LRP1B: variants seen among roughly 807,000 people sequenced by gnomAD.
The protein encoded by LRP1B is LDL receptor related protein 1B.
A neutral mutation model predicts 556.6 loss-of-function variants in LRP1B; 217 were observed. That is an observed-to-expected ratio of 0.39 (90% CI 0.35 to 0.44). The LOEUF (loss-of-function observed/expected upper bound fraction) is 0.44. Among genes scored for constraint, LRP1B ranks in the 20% least tolerant of loss-of-function variants. The probability of loss-of-function intolerance (pLI) is 1.00; values close to 1 mark genes in which losing one functional copy is unlikely to be tolerated. For missense variants in LRP1B, 5,053 were observed against 5,620.8 expected (o/e 0.90, Z 3.23); for synonymous variants, 2,047 against 1,865.8 (o/e 1.10, Z -2.50).
At chr2:141,336,315 C>A (rs1189693766) in intron 3 of LRP1B, among the ~76,000 whole-genome samples, 1 of 152,054 alleles carries the variant, frequency 6.6e-6, no homozygotes, top group Non-Finnish European at 1.5e-5. Context: ...ATAACTTTTA[C>A]TATTGTCCTG....
chr2:141,922,345 T>C (rs1014944950), intron 1 of LRP1B, among the ~76,000 whole-genome samples: 1 of 152,208 alleles, frequency 6.6e-6, no homozygotes, highest in Non-Finnish European at 1.5e-5. Flanking sequence ...GTGCACTATT[T>C]ACTCTAAGGA....
intron 1 of LRP1B, among the ~76,000 whole-genome samples, chr2:142,093,649 G>A (rs1706255686): frequency 6.6e-6 from 1 of 152,068 alleles, no homozygotes; most frequent in Non-Finnish European, 1.5e-5. Context: ...CCAAGAAAGT[G>A]TGCATGTGCG....
At chr2:140,322,238 T>C in intron 81 of LRP1B, 150 bp from the exon 82 acceptor site, 2 of 710,034 alleles carry the variant, frequency 2.8e-6, no homozygotes, top group South Asian at 1.9e-5. Context: ...TCACTCAATA[T>C]CATCATTCTC....
At chr2:140,585,603 T>G (rs185578597) in intron 43 of LRP1B, among the ~76,000 whole-genome samples, 1 of 152,294 alleles carries the variant, frequency 6.6e-6, no homozygotes, top group East Asian at 1.9e-4. Flanking sequence ...AAGATTAAAA[T>G]AATTGCTCAA....
intron 25 of LRP1B, among the ~76,000 whole-genome samples, chr2:140,878,673 A>T (rs924225090): frequency 2.0e-5 from 3 of 152,098 alleles, no homozygotes; most frequent in African/African-American, 7.2e-5. Flanking sequence ...TTGTAGTGTT[A>T]TCTCCACAAA....
chr2:141,706,538 C>G (rs1692144793), intron 2 of LRP1B, among the ~76,000 whole-genome samples: 1 of 152,048 alleles, frequency 6.6e-6, no homozygotes, highest in Non-Finnish European at 1.5e-5. Flanking sequence ...AACCTGCTTC[C>G]AAGTCCTCTG....
At chr2:141,919,209 A>G (rs898653636) in intron 1 of LRP1B, among the ~76,000 whole-genome samples, 1 of 152,134 alleles carries the variant, frequency 6.6e-6, no homozygotes, top group Non-Finnish European at 1.5e-5. Flanking sequence ...ACATATACAT[A>G]TATAAAGAGA....
intron 84 of LRP1B, 28 bp downstream of exon 84, chr2:140,297,780 C>A: frequency 6.3e-7 from 1 of 1,584,448 alleles, no homozygotes; most frequent in Non-Finnish European, 8.6e-7. Flanking sequence ...AACATCAAAG[C>A]TGGCTTCTGG....
intron 2 of LRP1B, among the ~76,000 whole-genome samples, chr2:141,612,107 T>A (rs937677752): frequency 1.3e-5 from 2 of 152,220 alleles, no homozygotes; most frequent in African/African-American, 4.8e-5. Flanking sequence ...AACCTTGTAA[T>A]ATCCCCCAAA....
chr2:141,920,507 A>G (rs771597557), intron 1 of LRP1B, among the ~76,000 whole-genome samples: 1 of 152,036 alleles, frequency 6.6e-6, no homozygotes, highest in Non-Finnish European at 1.5e-5. Flanking sequence ...GGTGAACTCA[A>G]TGTGCTGACA....
At chr2:141,771,981 G>C (rs1574342588) in intron 2 of LRP1B, among the ~76,000 whole-genome samples, 1 of 152,026 alleles carries the variant, frequency 6.6e-6, no homozygotes, top group East Asian at 1.9e-4. Flanking sequence ...ACCACGCCTG[G>C]CTAATTTTTG....
intron 2 of LRP1B, among the ~76,000 whole-genome samples, chr2:141,604,449 G>C (rs1687848200): frequency 6.6e-6 from 1 of 151,968 alleles, no homozygotes; most frequent in African/African-American, 2.4e-5. Context: ...AGAGGGGTGG[G>C]TCTCCAGTGA....
chr2:140,287,912 T>TTTG (rs10644992), intron 84 of LRP1B, among the ~76,000 whole-genome samples: 146,881 of 151,756 alleles, frequency 0.97, 71,270 homozygotes, highest in Middle Eastern at 1. Context: ...TTTCACTTTA[T>TTTG]TTGGAAAATG....
chr2:140,991,375 A>C (rs1697088227), intron 16 of LRP1B, among the ~76,000 whole-genome samples: 1 of 152,174 alleles, frequency 6.6e-6, no homozygotes, highest in Non-Finnish European at 1.5e-5. Context: ...TATTTAAAAT[A>C]ATCCTCTGAA....
chr2:140,998,300 G>T (rs1697313340), intron 15 of LRP1B, among the ~76,000 whole-genome samples: 1 of 152,014 alleles, frequency 6.6e-6, no homozygotes, highest in South Asian at 2.1e-4. Context: ...AGAATTAAAA[G>T]AATTACTGTT....
In LRP1B at chr2:141,956,588, C is replaced by T. The variant is rs181648662; in HGVS notation, c.83-146187G>A. The stretch of plus-strand genomic sequence containing the variant: ...GATGCCCAGAATTTTAAAATATTAA[C>T]GCCGTGAAATTTATCAGTCTTTTAT... On this transcript the variant is annotated intron_variant, in intron 1 of 90. Transcript: ENST00000389484. Among the ~76,000 whole-genome samples, 279 of 146,432 alleles carry T rather than the reference C, an allele frequency of 1.9e-3. 2 individuals are homozygous for T. The highest frequency in any genetic ancestry group is 3.7e-3 in the Admixed American group (53 of 14,164).
chr2:140,282,174 C>T lies in LRP1B; in HGVS notation c.12968-7576G>A, dbSNP rs560549334. On this transcript the variant is annotated intron_variant, in intron 84 of 90. Transcript: ENST00000389484. ...CAAGATTATGTCATGATTCCTTCCTCACCCACCAATTTCCAATGGTGCCCT... is the reference window on the plus strand; with the variant it reads ...CAAGATTATGTCATGATTCCTTCCTTACCCACCAATTTCCAATGGTGCCCT... Among the ~76,000 whole-genome samples the T allele has an allele frequency of 2.6e-5, 4 of 151,948 alleles. No homozygotes were observed. In the East Asian group the frequency reaches 5.8e-4, roughly 22 times the overall value.
At chr2:140,889,502 G>A (rs1003241105) in intron 23 of LRP1B, among the ~76,000 whole-genome samples, 1 of 152,088 alleles carries the variant, frequency 6.6e-6, no homozygotes, top group Non-Finnish European at 1.5e-5. Flanking sequence ...CTCCATGTTG[G>A]CCAGGATGGT....
At chr2:142,031,159 A>T (rs1362303608) in intron 1 of LRP1B, among the ~76,000 whole-genome samples, 1 of 151,730 alleles carries the variant, frequency 6.6e-6, no homozygotes, top group African/African-American at 2.4e-5. Flanking sequence ...CTCATTATAT[A>T]ATATGATATA....
Sources: allele counts gnomAD v4.1 joint callset (sites outside exome capture counted in the v4.1 genomes callset), GRCh38; gene constraint gnomAD v4.1.1; transcripts MANE v1.5; gene names NCBI Gene and HGNC (gene_info 2026-07-23, HGNC 2026-07-21).